Variants in TFDP2 observed in about 807,000 individuals in gnomAD.
TFDP2 encodes transcription factor Dp-2, also known as transcription factor Dp-2 (E2F dimerization partner 2).
In TFDP2, 17 loss-of-function variants were observed where a neutral mutation model predicts 59.3. The ratio of observed to expected loss-of-function variants is 0.29; its 90% CI spans 0.20 to 0.43. The LOEUF (loss-of-function observed/expected upper bound fraction) is 0.43. Ranked by LOEUF, TFDP2 falls within the 20% of genes least tolerant of loss-of-function variation. TFDP2 has a pLI of 1.00. For missense variants in TFDP2, 391 were observed against 528.8 expected, an observed-to-expected ratio of 0.74 and a Z score of 2.56; for synonymous variants, 180 against 194.7, an observed-to-expected ratio of 0.92 and a Z score of 0.63.
Position 141,978,700 on chromosome 3 carries a change from T to G in TFDP2, c.357-18A>C. On this transcript the variant is annotated intron_variant, in intron 6 of 12. Coordinates refer to ENST00000489671, the MANE Select transcript of TFDP2 (RefSeq NM_001178139.2). ...TTCGTTTACTAGAAGGGAAAAAAGT[T>G]TTTTTTACTCCATTATACATATTAG... is the stretch of plus-strand genomic sequence containing the variant. The G allele has an allele frequency of 6.3e-7, 1 of 1,580,322 alleles. No homozygotes were observed. The highest frequency in any genetic ancestry group is 8.6e-7 in the Non-Finnish European group (1 of 1,165,700).
At chr3:142,096,615 TG>T (rs1400766244) in intron 2 of TFDP2, among the ~76,000 whole-genome samples, 1 of 152,348 alleles carries the variant, frequency 6.6e-6, no homozygotes, top group East Asian at 1.9e-4. Flanking sequence ...TCCAATGCTG[TG>T]TTGTGTACTA....
intron 7 of TFDP2, among the ~76,000 whole-genome samples, chr3:141,978,002 G>A (rs1270354506): frequency 6.7e-6 from 1 of 150,000 alleles, no homozygotes; most frequent in African/African-American, 2.4e-5. Flanking sequence ...GAGCCACCGC[G>A]CCTGGCCAAA....
At chr3:142,107,683 A>G (rs369160511) in intron 1 of TFDP2, among the ~76,000 whole-genome samples, 1 of 152,186 alleles carries the variant, frequency 6.6e-6, no homozygotes, top group Non-Finnish European at 1.5e-5. Context: ...TTTACAGAAG[A>G]CAAAACAGTT....
chr3:141,990,939 T>A (rs1942697813), intron 6 of TFDP2, among the ~76,000 whole-genome samples: 1 of 152,052 alleles, frequency 6.6e-6, no homozygotes, highest in African/African-American at 2.4e-5. Context: ...ACGCCTGTAA[T>A]CCCAGCTACT....
At chr3:142,127,128 C>G (rs957639834) in intron 1 of TFDP2, among the ~76,000 whole-genome samples, 10 of 147,874 alleles carry the variant, frequency 6.8e-5, no homozygotes, top group Admixed American at 1.4e-4. Context: ...ATCTATATCC[C>G]TAGAGACATA....
rs555133064 is a variant in TFDP2, at chr3:142,030,042, C to T, written c.83-24498G>A. Reference sequence around the variant, plus strand: ...AGACGCTGTAAAGTATTTGGTGCTCCGTTCAGTGTTGTATCACCAGTGTCT... The same window carrying T: ...AGACGCTGTAAAGTATTTGGTGCTCTGTTCAGTGTTGTATCACCAGTGTCT... On this transcript the variant is annotated intron_variant, in intron 3 of 12. Transcript: ENST00000489671. 2.1e-3 allele frequency among the ~76,000 whole-genome samples: 314 copies of T among 152,274 alleles called. 1 individual carries two copies. The highest frequency in any genetic ancestry group is 3.3e-3 in the Non-Finnish European group (224 of 68,024).
intron 1 of TFDP2, among the ~76,000 whole-genome samples, chr3:142,143,624 C>A (rs948452625): frequency 6.6e-6 from 1 of 152,266 alleles, no homozygotes; most frequent in South Asian, 2.1e-4. Context: ...AGAAGACATA[C>A]AAATGGCAAA....
intron 6 of TFDP2, among the ~76,000 whole-genome samples, chr3:141,981,462 T>G (rs1011671521): frequency 6.6e-6 from 1 of 152,208 alleles, no homozygotes; most frequent in Non-Finnish European, 1.5e-5. Flanking sequence ...TTCTATGTTA[T>G]GTACATAGAA....
chr3:142,109,329 C>A (rs1011616198), intron 1 of TFDP2, among the ~76,000 whole-genome samples: 1 of 139,018 alleles, frequency 7.2e-6, no homozygotes, highest in East Asian at 2.3e-4. Context: ...TGTCAGTAAG[C>A]TACATTTTTT....
intron 1 of TFDP2, among the ~76,000 whole-genome samples, chr3:142,144,507 G>A (rs1400675766): frequency 1.3e-5 from 2 of 152,126 alleles, no homozygotes; most frequent in Non-Finnish European, 2.9e-5. Flanking sequence ...ATGCCACTAG[G>A]AAAGAAAATA....
rs180721587 is a variant in TFDP2, at chr3:142,032,036, T to C, written c.83-26492A>G. Among the ~76,000 whole-genome samples, 255 of 152,310 alleles carry C rather than the reference T, an allele frequency of 1.7e-3. 2 individuals carry two copies. Among genetic ancestry groups the C allele is most frequent in the Non-Finnish European group, 1.4e-3 (93 of 68,020 alleles). ...TCTTAAAAACATTGCATAGTAAATA[T>C]TTCATATTTCCTGTTTGCCTGCTGC... is the stretch of plus-strand genomic sequence containing the variant. On this transcript the variant is annotated intron_variant, in intron 3 of 12. Transcript: ENST00000489671.
chr3:142,146,683 C>A (rs1577085670), intron 1 of TFDP2, among the ~76,000 whole-genome samples: 1 of 152,030 alleles, frequency 6.6e-6, no homozygotes, highest in Admixed American at 6.5e-5. Flanking sequence ...TAGTTAATAC[C>A]TAATTTGGGG....
intron 6 of TFDP2, among the ~76,000 whole-genome samples, chr3:141,990,786 G>A (rs967693951): frequency 6.6e-6 from 1 of 152,134 alleles, no homozygotes; most frequent in Admixed American, 6.5e-5. Flanking sequence ...GGCTGGGCAC[G>A]GTGGCTCATG....
chr3:142,080,843 T>C (rs568459255), intron 3 of TFDP2, among the ~76,000 whole-genome samples: 1 of 152,270 alleles, frequency 6.6e-6, no homozygotes, highest in East Asian at 1.9e-4. Flanking sequence ...ATAAAGCAAA[T>C]ATTACTGCTA....
chr3:142,115,636 A>G (rs894533371), intron 1 of TFDP2, among the ~76,000 whole-genome samples: 6 of 152,300 alleles, frequency 3.9e-5, no homozygotes, highest in Non-Finnish European at 7.4e-5. Context: ...GCATTTTCAT[A>G]TAAGTACCTG....
Position 142,024,083 on chromosome 3 carries a change from C to T in TFDP2, c.83-18539G>A, listed in dbSNP as rs144520995. 3.0e-4 allele frequency among the ~76,000 whole-genome samples: 46 copies of T among 152,304 alleles called. No homozygotes were observed. In the South Asian group the frequency reaches 7.5e-3, roughly 25 times the overall value. Reference sequence around the variant, plus strand: ...TGCTGGGATTACAGGCATGTGCCACCATGCCCAGCCCATTAAAAGATTTTT... The same window carrying T: ...TGCTGGGATTACAGGCATGTGCCACTATGCCCAGCCCATTAAAAGATTTTT... On this transcript the variant is annotated intron_variant, in intron 3 of 12. Coordinates refer to ENST00000489671, the MANE Select transcript of TFDP2 (RefSeq NM_001178139.2).
chr3:141,958,631 C>A (rs1380524065), intron 11 of TFDP2, among the ~76,000 whole-genome samples: 1 of 152,122 alleles, frequency 6.6e-6, no homozygotes, highest in Admixed American at 6.6e-5. Flanking sequence ...TCATGGGGGT[C>A]TACTGTACTG....
intron 7 of TFDP2, among the ~76,000 whole-genome samples, chr3:141,974,907 C>CTTTTTTTTTTTTTT (rs753702830): frequency 1.1e-5 from 1 of 90,496 alleles, no homozygotes; most frequent in Non-Finnish European, 2.1e-5. Flanking sequence ...TCTTCTTCTT[C>CTTTTTTTTTTTTTT]TTTTTTTTTT....
chr3:141,995,913 T>C (rs1002016463), intron 4 of TFDP2, among the ~76,000 whole-genome samples: 10 of 149,002 alleles, frequency 6.7e-5, no homozygotes, highest in African/African-American at 2.5e-5. Flanking sequence ...AAAAAGAGTA[T>C]TCATGTTATT....
Sources: gnomAD v4.1 joint callset for allele counts (sites outside exome capture counted in the v4.1 genomes callset) on GRCh38, gnomAD v4.1.1 for gene constraint, MANE v1.5 for transcripts, NCBI Gene and HGNC (gene_info 2026-07-23, HGNC 2026-07-21) for gene names.